SYT2: variants seen among roughly 807,000 people sequenced by gnomAD.
SYT2 encodes synaptotagmin 2.
Under a neutral mutation model 39.9 loss-of-function variants are expected in SYT2, and 15 were observed. The observed-to-expected ratio is 0.38, with a 90% CI of 0.25 to 0.58. The LOEUF (loss-of-function observed/expected upper bound fraction) is 0.58, where lower values mean the gene tolerates loss of function less well. Among genes scored for constraint, SYT2 ranks in the 20% least tolerant of loss-of-function variants. The pLI is 0.70. For missense variants in SYT2, 389 were observed against 530.3 expected (o/e 0.73, Z 2.62); for synonymous variants, 181 against 204.5 (o/e 0.89, Z 0.98).
In SYT2 at chr1:202,678,135, G is replaced by A. The variant is rs182486849; in HGVS notation, c.-18+32123C>T. 8.5e-5 allele frequency among the ~76,000 whole-genome samples: 13 copies of A among 152,080 alleles called. No homozygotes were observed. In the East Asian group the frequency reaches 9.7e-4, roughly 11 times the overall value. On this transcript the variant is annotated intron_variant, in intron 1 of 8. Transcript: ENST00000367268. ...CTAAAAATACAATAATTAGCCAGGC[G>A]TGGTGGCAGGCATCTGTGATCCCAG...
At chr1:202,678,872 C>T (rs1343171655) in intron 1 of SYT2, among the ~76,000 whole-genome samples, 1 of 152,136 alleles carries the variant, frequency 6.6e-6, no homozygotes, top group Non-Finnish European at 1.5e-5. Flanking sequence ...CGTTCAGAGT[C>T]TCCACCCCCC....
intron 1 of SYT2, among the ~76,000 whole-genome samples, chr1:202,694,522 C>A (rs1653923791): frequency 6.6e-6 from 1 of 151,958 alleles, no homozygotes; most frequent in South Asian, 2.1e-4. Flanking sequence ...CTATTGCAGG[C>A]TTGACTATCA....
intron 1 of SYT2, among the ~76,000 whole-genome samples, chr1:202,618,128 C>T (rs1691098097): frequency 6.6e-6 from 1 of 152,064 alleles, no homozygotes; most frequent in Non-Finnish European, 1.5e-5. Context: ...TCTCGAACTC[C>T]TGACCTCAAG....
intron 1 of SYT2, among the ~76,000 whole-genome samples, chr1:202,626,627 A>G (rs762972822): frequency 1.3e-5 from 2 of 151,702 alleles, no homozygotes; most frequent in Non-Finnish European, 2.9e-5. Flanking sequence ...TCAGCCTCCC[A>G]AAGTCCTGAG....
chr1:202,594,487 GGA>G lies in SYT2; in HGVS notation c.*2268_*2269del, dbSNP rs1454686350. On this transcript the variant is annotated 3_prime_UTR_variant, in exon 9 of 9. Transcript: ENST00000367268. ...ATATGGGTGAGAAGAGTGAGTCTGGGGAGAGACCCTGAGAAAGCACCAAAATC... is the reference window on the plus strand; with the variant it reads ...ATATGGGTGAGAAGAGTGAGTCTGGGGAGACCCTGAGAAAGCACCAAAATC... 1 of 152,178 alleles carries G rather than the reference GGA, an allele frequency of 6.6e-6. No homozygotes were observed. Among genetic ancestry groups the G allele is most frequent in the East Asian group, 1.9e-4 (1 of 5,194 alleles). The allele number at this position is 152,178 out of a possible 1,614,324, so 9.4% of individuals were successfully genotyped here. A position where few individuals can be genotyped will look rare whatever the true frequency, so the allele number is the denominator to read the frequency against.
chr1:202,673,350 T>A (rs1206092488), intron 1 of SYT2, among the ~76,000 whole-genome samples: 2 of 152,194 alleles, frequency 1.3e-5, no homozygotes, highest in Non-Finnish European at 2.9e-5. Flanking sequence ...AACGATATAA[T>A]AAAATCATGG....
At chr1:202,651,637 A>G (rs1692195750) in intron 1 of SYT2, among the ~76,000 whole-genome samples, 1 of 152,206 alleles carries the variant, frequency 6.6e-6, no homozygotes, top group Admixed American at 6.5e-5. Flanking sequence ...CCTATCTATC[A>G]ATAGTTATTA....
chr1:202,686,722 C>G (rs1229717076), intron 1 of SYT2, among the ~76,000 whole-genome samples: 1 of 152,194 alleles, frequency 6.6e-6, no homozygotes, highest in Non-Finnish European at 1.5e-5. Context: ...GCCCCTGATG[C>G]TAGCTCTCTG....
At chr1:202,681,725 G>C (rs973896806) in intron 1 of SYT2, among the ~76,000 whole-genome samples, 10 of 152,182 alleles carry the variant, frequency 6.6e-5, no homozygotes, top group Admixed American at 5.9e-4. Flanking sequence ...AGACATGTGT[G>C]GCACCAAGCA....
chr1:202,662,937 G>T (rs956890073), intron 1 of SYT2, among the ~76,000 whole-genome samples: 121 of 152,340 alleles, frequency 7.9e-4, no homozygotes, highest in Middle Eastern at 3.4e-3. Flanking sequence ...GGCTTGGAAG[G>T]GGAAATGAGC....
intron 1 of SYT2, chr1:202,639,393 G>T: frequency 2.2e-6 from 1 of 452,314 alleles, no homozygotes; most frequent in Middle Eastern, 1.2e-3. Flanking sequence ...TGGATTGAGG[G>T]TCTACAAGGG....
At position 202,596,647 on chromosome 1, in the gene SYT2, C is replaced by T. The variant is rs890027260; in HGVS notation, c.*110G>A. The T allele has an allele frequency of 2.8e-6, 3 of 1,078,782 alleles. No homozygotes were observed. The highest frequency in any genetic ancestry group is 5.2e-5 in the East Asian group (2 of 38,476). The allele number at this position is 1,078,782 out of a possible 1,614,324, so 66.8% of individuals were successfully genotyped here. Reference sequence around the variant, plus strand: ...ACAAGGAAAAACAAGGACACAACCACCCAACAAATGAAAGAAAAAAGAAAA... The same window carrying T: ...ACAAGGAAAAACAAGGACACAACCATCCAACAAATGAAAGAAAAAAGAAAA... On this transcript the variant is annotated 3_prime_UTR_variant, in exon 9 of 9. Transcript: ENST00000367268.
At chr1:202,624,349 G>T (rs1212881669) in intron 1 of SYT2, among the ~76,000 whole-genome samples, 1 of 122,804 alleles carries the variant, frequency 8.1e-6, no homozygotes, top group Non-Finnish European at 1.6e-5. Flanking sequence ...GGGGTGTCAG[G>T]GGGTATGTGG....
At chr1:202,629,309 CCT>C (rs1431620020) in intron 1 of SYT2, among the ~76,000 whole-genome samples, 2 of 152,182 alleles carry the variant, frequency 1.3e-5, no homozygotes, top group African/African-American at 4.8e-5. Context: ...CTTTCCTGCC[CCT>C]GTGTCCAGAT....
rs1419584062 is a variant in SYT2 at position 202,593,022 on chromosome 1, G to A, written c.*3735C>T. The A allele has an allele frequency of 6.6e-6, 1 of 152,192 alleles. No homozygotes were observed. The highest frequency in any genetic ancestry group is 1.5e-5 in the Non-Finnish European group (1 of 68,030). The allele number at this position is 152,192 out of a possible 1,614,324, so 9.4% of individuals were successfully genotyped here. A position where few individuals can be genotyped will look rare whatever the true frequency, so the allele number is the denominator to read the frequency against. ...ATAGCATGGGGCTCAGGGCCACCAG[G>A]ATCTTGGGACTCCTCCCTGCCTGCC... On this transcript the variant is annotated 3_prime_UTR_variant, in exon 9 of 9. Transcript: ENST00000367268.
At chr1:202,624,359 G>T (rs1691289542) in intron 1 of SYT2, among the ~76,000 whole-genome samples, 1 of 151,686 alleles carries the variant, frequency 6.6e-6, no homozygotes, top group African/African-American at 2.4e-5. Context: ...GGGGTATGTG[G>T]GTAGTGGGTA....
chr1:202,658,382 A>C lies in SYT2; in HGVS notation c.-18+51876T>G, dbSNP rs535892788. The stretch of plus-strand genomic sequence containing the variant: ...AGAGCCACAGACCAGGAAGCCAGCC[A>C]GGCCTAGCCACCGTGTCCCCTCCCT... On this transcript the variant is annotated intron_variant, in intron 1 of 8. Coordinates refer to ENST00000367268, the MANE Select transcript of SYT2 (RefSeq NM_177402.5). Among the ~76,000 whole-genome samples, 324 of 152,300 alleles carry C rather than the reference A, an allele frequency of 2.1e-3. 2 individuals carry two copies. The highest frequency in any genetic ancestry group is 3.4e-3 in the Middle Eastern group (1 of 294).
At chr1:202,705,056 C>G (rs1430237829) in intron 1 of SYT2, among the ~76,000 whole-genome samples, 4 of 152,266 alleles carry the variant, frequency 2.6e-5, no homozygotes, top group African/African-American at 9.6e-5. Flanking sequence ...TCCCAAGGAC[C>G]CGCACCTGTA....
At chr1:202,602,670 A>G (rs1572612263) in intron 4 of SYT2, 125 bp from the exon 5 acceptor site, 1 of 964,306 alleles carries the variant, frequency 1.0e-6, no homozygotes. Context: ...AAATGGCGGG[A>G]GGCTGGTGCT....
Sources: gnomAD v4.1 joint callset for allele counts (sites outside exome capture counted in the v4.1 genomes callset) on GRCh38, gnomAD v4.1.1 for gene constraint, MANE v1.5 for transcripts, NCBI Gene and HGNC (gene_info 2026-07-23, HGNC 2026-07-21) for gene names.